The following MECOM variants were observed in gnomAD, a reference collection of about 807,000 sequenced individuals.
MECOM encodes histone-lysine N-methyltransferase MECOM.
In MECOM, 13 loss-of-function variants were observed where a neutral mutation model predicts 116.3. The observed-to-expected ratio is 0.11, with a 90% CI of 0.07 to 0.18. The LOEUF (loss-of-function observed/expected upper bound fraction) is 0.18, where lower values mean the gene tolerates loss of function less well. Ranked by LOEUF, MECOM falls within the 10% of genes least tolerant of loss-of-function variation. The probability of loss-of-function intolerance (pLI) is 1.00; values close to 1 mark genes in which losing one functional copy is unlikely to be tolerated. For missense variants in MECOM, 1,299 were observed against 1,509.0 expected, an observed-to-expected ratio of 0.86 and a Z score of 2.31; for synonymous variants, 528 against 535.2, an observed-to-expected ratio of 0.99 and a Z score of 0.19.
chr3:169,472,910 T>C (rs1415800786), intron 1 of MECOM: 1 of 929,978 alleles, frequency 1.1e-6, no homozygotes, highest in Admixed American at 6.2e-5. Flanking sequence ...TGTCACATGT[T>C]CTAAAAATCA....
intron 2 of MECOM, among the ~76,000 whole-genome samples, chr3:169,252,411 T>G (rs1268564496): frequency 1.3e-5 from 2 of 151,686 alleles, no homozygotes; most frequent in Non-Finnish European, 2.9e-5. Flanking sequence ...AAACGGAGAT[T>G]TATGGGATAT....
intron 2 of MECOM, among the ~76,000 whole-genome samples, chr3:169,175,737 C>A (rs1167257955): frequency 6.6e-6 from 1 of 152,148 alleles, no homozygotes; most frequent in Non-Finnish European, 1.5e-5. Context: ...TGTATAAAGA[C>A]TAAATACTTT....
chr3:169,126,532 T>C (rs1194697113), intron 5 of MECOM, among the ~76,000 whole-genome samples: 3 of 152,042 alleles, frequency 2.0e-5, no homozygotes, highest in Admixed American at 6.6e-5. Context: ...CATACATAAT[T>C]GATTTATTCT....
chr3:169,325,415 T>C (rs936965307), intron 2 of MECOM, among the ~76,000 whole-genome samples: 16 of 152,210 alleles, frequency 1.1e-4, no homozygotes, highest in Non-Finnish European at 1.3e-4. Flanking sequence ...CCACCACTTT[T>C]TAAGGTGCAT....
intron 2 of MECOM, among the ~76,000 whole-genome samples, chr3:169,312,484 T>C (rs1718982408): frequency 6.7e-6 from 1 of 149,930 alleles, no homozygotes; most frequent in South Asian, 2.1e-4. Flanking sequence ...TTCTCCTGCC[T>C]CAGCCTCCCG....
At chr3:169,279,397 G>T (rs1231180416) in intron 2 of MECOM, among the ~76,000 whole-genome samples, 1 of 152,172 alleles carries the variant, frequency 6.6e-6, no homozygotes, top group Non-Finnish European at 1.5e-5. Flanking sequence ...ACCAGAGTAA[G>T]TTGCTTGTTA....
chr3:169,384,499 C>T (rs1732975662), intron 1 of MECOM, among the ~76,000 whole-genome samples: 1 of 152,178 alleles, frequency 6.6e-6, no homozygotes, highest in African/African-American at 2.4e-5. Context: ...GGTCTTAGCA[C>T]AGGTAAAAAC....
chr3:169,097,561 C>T (rs938033969), intron 12 of MECOM, among the ~76,000 whole-genome samples: 1 of 152,068 alleles, frequency 6.6e-6, no homozygotes, highest in East Asian at 1.9e-4. Context: ...GGGTTTTAAT[C>T]CTGACTCTAT....
chr3:169,505,245 T>C (rs1755051283), intron 1 of MECOM, among the ~76,000 whole-genome samples: 1 of 152,162 alleles, frequency 6.6e-6, no homozygotes, highest in Admixed American at 6.5e-5. Flanking sequence ...TACCCTGTAA[T>C]TCTCAAAGTA....
chr3:169,173,158 A>G (rs1285700510), intron 2 of MECOM, among the ~76,000 whole-genome samples: 1 of 152,142 alleles, frequency 6.6e-6, no homozygotes, highest in Non-Finnish European at 1.5e-5. Context: ...ATTTGATACT[A>G]ACAACCACTT....
At chr3:169,147,817 T>C (rs1740384212) in intron 2 of MECOM, 1 of 879,752 alleles carries the variant, frequency 1.1e-6, no homozygotes, top group Non-Finnish European at 1.4e-6. Context: ...AGAGAAGTGC[T>C]TTCAGGGGTG....
intron 1 of MECOM, among the ~76,000 whole-genome samples, chr3:169,642,696 T>C (rs1003389702): frequency 4.6e-5 from 7 of 150,744 alleles, no homozygotes; most frequent in African/African-American, 1.2e-4. Flanking sequence ...CAGCTTCAGG[T>C]ATTTAGCCTG....
chr3:169,261,171 T>G (rs1004650569), intron 2 of MECOM, among the ~76,000 whole-genome samples: 10 of 152,152 alleles, frequency 6.6e-5, no homozygotes, highest in African/African-American at 2.4e-4. Flanking sequence ...ATAAATGTAA[T>G]TTTACATTAC....
chr3:169,100,049 G>A (rs529706015), intron 12 of MECOM, among the ~76,000 whole-genome samples: 26 of 147,064 alleles, frequency 1.8e-4, no homozygotes, highest in African/African-American at 3.5e-4. Context: ...CTTCTCCCCT[G>A]ACTTCCCAGG....
At chr3:169,269,938 G>T (rs561826826) in intron 2 of MECOM, among the ~76,000 whole-genome samples, 272 of 151,568 alleles carry the variant, frequency 1.8e-3, no homozygotes, top group Non-Finnish European at 2.9e-3. Context: ...TCAAATTTTA[G>T]CTTTCTAACA....
In MECOM at chr3:169,441,729, T is replaced by A. The variant is rs757304859; in HGVS notation, c.38-60205A>T. Among the ~76,000 whole-genome samples, 26 of 125,084 alleles carry A rather than the reference T, an allele frequency of 2.1e-4. 2 individuals carry two copies. Among genetic ancestry groups the A allele is most frequent in the Non-Finnish European group, 4.2e-4 (24 of 57,294 alleles). The allele number at this position is 125,084 out of a possible 152,430, so 82.1% of individuals were successfully genotyped here. On this transcript the variant is annotated intron_variant, in intron 1 of 16. Coordinates refer to ENST00000651503, the MANE Select transcript of MECOM (RefSeq NM_004991.4). ...CTATGTTACACTTCTTCTTCTCTTC[T>A]TTTTTTTTTTTTTTTAAAAAAGGGG...
chr3:169,088,164 C>T (rs1274989140), intron 16 of MECOM, among the ~76,000 whole-genome samples: 1 of 152,114 alleles, frequency 6.6e-6, no homozygotes, highest in Non-Finnish European at 1.5e-5. Flanking sequence ...ACAAAATGAA[C>T]TAATGGATCA....
chr3:169,532,494 C>T (rs1758769773), intron 1 of MECOM, among the ~76,000 whole-genome samples: 4 of 152,190 alleles, frequency 2.6e-5, no homozygotes. Flanking sequence ...TTATCAGGGT[C>T]AGAGGATTCC....
At position 169,635,192 on chromosome 3, in the gene MECOM, C is replaced by CTTTG. The variant is rs1308326905; in HGVS notation, c.37+28140_37+28143dup. ...TGGGGAAGTTACTGAACCTCTGCCC[C>CTTTG]TTTGTTTTCTCATCTATAAAACAAG... On this transcript the variant is annotated intron_variant, in intron 1 of 16. Coordinates refer to ENST00000651503, the MANE Select transcript of MECOM (RefSeq NM_004991.4). Among the ~76,000 whole-genome samples the CTTTG allele has an allele frequency of 1.3e-5, 2 of 152,194 alleles. 1 individual carries two copies. The highest frequency in any genetic ancestry group is 3.9e-4 in the East Asian group (2 of 5,192).
Sources: allele counts gnomAD v4.1 joint callset (sites outside exome capture counted in the v4.1 genomes callset), GRCh38; gene constraint gnomAD v4.1.1; transcripts MANE v1.5; gene names NCBI Gene and HGNC (gene_info 2026-07-23, HGNC 2026-07-21).